The following FBN2 variants were observed in gnomAD, a reference collection of about 807,000 sequenced individuals.
FBN2 encodes the protein fibrillin 2.
In FBN2, 105 loss-of-function variants were observed where a neutral mutation model predicts 355.6. That is an observed-to-expected ratio of 0.30 (90% CI 0.25 to 0.35). The LOEUF is 0.35. FBN2 is among the 10% of genes least tolerant of loss of function. The probability of loss-of-function intolerance (pLI) is 1.00; values close to 1 mark genes in which losing one functional copy is unlikely to be tolerated. For synonymous variants in FBN2, 1,350 were observed against 1,301.2 expected (o/e 1.04, Z -0.81); for missense variants, 3,280 against 3,758.7 (o/e 0.87, Z 3.33).
intron 5 of FBN2, among the ~76,000 whole-genome samples, chr5:128,480,559 A>G (rs1360661830): frequency 6.6e-6 from 1 of 152,128 alleles, no homozygotes; most frequent in African/African-American, 2.4e-5. Flanking sequence ...AAAATACAAA[A>G]ATTAGCTGGG....
chr5:128,298,332 G>A (rs1269632781), intron 48 of FBN2, among the ~76,000 whole-genome samples: 5 of 151,884 alleles, frequency 3.3e-5, no homozygotes, highest in South Asian at 2.1e-4. Flanking sequence ...TGCTCTTCTC[G>A]AGGAGTATCT....
intron 17 of FBN2, among the ~76,000 whole-genome samples, chr5:128,365,923 T>C (rs1446506908): frequency 6.6e-6 from 1 of 151,796 alleles, no homozygotes; most frequent in Non-Finnish European, 1.5e-5. Context: ...TGTTTTATTA[T>C]TCTTAGGTGT....
chr5:128,363,236 G>A (rs1230691633), intron 18 of FBN2, among the ~76,000 whole-genome samples: 1 of 151,724 alleles, frequency 6.6e-6, no homozygotes, highest in Non-Finnish European at 1.5e-5. Context: ...TGTCACCACG[G>A]CTGGAGTGCA....
intron 6 of FBN2, among the ~76,000 whole-genome samples, chr5:128,453,235 G>A (rs996760608): frequency 6.6e-6 from 1 of 152,146 alleles, no homozygotes; most frequent in Non-Finnish European, 1.5e-5. Context: ...GTTCTATCTC[G>A]ATCTTATCTT....
chr5:128,536,532 G>A (rs2112809356), intron 1 of FBN2, 48 bp from the exon 2 acceptor site: 2 of 1,375,734 alleles, frequency 1.5e-6, no homozygotes, highest in East Asian at 4.6e-5. Context: ...GAGGGATGCA[G>A]CAACATATAA....
At chr5:128,514,197 T>C (rs944342920) in intron 5 of FBN2, among the ~76,000 whole-genome samples, 1 of 152,206 alleles carries the variant, frequency 6.6e-6, no homozygotes, top group Admixed American at 6.5e-5. Flanking sequence ...TTAGGGTAAT[T>C]GGTCATGAAT....
chr5:128,481,498 A>G (rs972266670), intron 5 of FBN2, among the ~76,000 whole-genome samples: 1 of 152,218 alleles, frequency 6.6e-6, no homozygotes, highest in African/African-American at 2.4e-5. Flanking sequence ...ATGTGAACTT[A>G]TGGGAGAGGC....
At chr5:128,360,828 C>CG (rs1751620485) in intron 19 of FBN2, among the ~76,000 whole-genome samples, 1 of 151,198 alleles carries the variant, frequency 6.6e-6, no homozygotes, top group Admixed American at 6.6e-5. Context: ...AAACCAAATA[C>CG]TTTAACAGAT....
At chr5:128,357,428 C>A (rs753852165) in intron 19 of FBN2, 33 bp from the exon 20 acceptor site, 1 of 1,613,190 alleles carries the variant, frequency 6.2e-7, no homozygotes, top group Non-Finnish European at 8.5e-7. Flanking sequence ...TCTGTTAGAA[C>A]TGCCATGTGT....
intron 34 of FBN2, among the ~76,000 whole-genome samples, chr5:128,324,686 C>T (rs533063001): frequency 6.7e-6 from 1 of 150,320 alleles, no homozygotes; most frequent in South Asian, 2.1e-4. Context: ...GGCGTGATCT[C>T]GGCTCACTGC....
chr5:128,466,485 A>G (rs1420444778), intron 5 of FBN2, among the ~76,000 whole-genome samples: 1 of 152,236 alleles, frequency 6.6e-6, no homozygotes, highest in Admixed American at 6.5e-5. Flanking sequence ...GATATAATTT[A>G]ACATTCAAAA....
chr5:128,425,392 C>A (rs1415853111), intron 7 of FBN2, among the ~76,000 whole-genome samples: 1 of 152,054 alleles, frequency 6.6e-6, no homozygotes, highest in East Asian at 1.9e-4. Context: ...AAAATTTCAG[C>A]AATGCAAAAG....
chr5:128,259,862 G>A (rs1208728474), intron 64 of FBN2, 33 bp from the exon 65 acceptor site: 4 of 1,611,480 alleles, frequency 2.5e-6, no homozygotes, highest in Non-Finnish European at 2.5e-6. Context: ...TTTGGGACAA[G>A]CTTCTACAGC....
chr5:128,493,696 G>A (rs544357961), intron 5 of FBN2, among the ~76,000 whole-genome samples: 13 of 152,098 alleles, frequency 8.5e-5, no homozygotes, highest in Non-Finnish European at 1.3e-4. Flanking sequence ...AACTCTGAAG[G>A]CTGTGTGATA....
At chr5:128,320,781 A>G (rs1561768982) in intron 34 of FBN2, among the ~76,000 whole-genome samples, 1 of 152,236 alleles carries the variant, frequency 6.6e-6, no homozygotes, top group Non-Finnish European at 1.5e-5. Context: ...AGATAAATTT[A>G]CCATCATCTC....
intron 54 of FBN2, 21 bp from the exon 55 acceptor site, chr5:128,286,870 T>C (rs1273385490): frequency 6.2e-7 from 1 of 1,612,310 alleles, no homozygotes; most frequent in South Asian, 1.1e-5. Context: ...AAATAAAAAT[T>C]AAAAATTATC....
intron 8 of FBN2, among the ~76,000 whole-genome samples, chr5:128,408,031 C>T (rs575261967): frequency 6.6e-6 from 1 of 152,256 alleles, no homozygotes; most frequent in South Asian, 2.1e-4. Context: ...TACCTATTGT[C>T]AGCTTAAAAT....
At chr5:128,482,704 T>C (rs1322628979) in intron 5 of FBN2, among the ~76,000 whole-genome samples, 1 of 152,184 alleles carries the variant, frequency 6.6e-6, no homozygotes, top group East Asian at 1.9e-4. Flanking sequence ...AGTCCCATTT[T>C]TTAATCTTTT....
At chr5:128,265,277 T>C (rs1466879663) in intron 62 of FBN2, among the ~76,000 whole-genome samples, 2 of 152,206 alleles carry the variant, frequency 1.3e-5, no homozygotes, top group African/African-American at 4.8e-5. Flanking sequence ...AAAATGATCC[T>C]GCCATGAATA....
Sources: gnomAD v4.1 joint callset for allele counts (sites outside exome capture counted in the v4.1 genomes callset) on GRCh38, gnomAD v4.1.1 for gene constraint, MANE v1.5 for transcripts, NCBI Gene and HGNC (gene_info 2026-07-23, HGNC 2026-07-21) for gene names.